Variants in TTLL11 observed in about 807,000 individuals in gnomAD.
TTLL11 encodes tubulin tyrosine ligase like 11.
TTLL11 carries 42 observed loss-of-function variants against 51.7 expected under a neutral mutation model. That is an observed-to-expected ratio of 0.81 (90% CI 0.64 to 1.05). The LOEUF (loss-of-function observed/expected upper bound fraction) is 1.05. Among genes scored for constraint, TTLL11 ranks in the 50% least tolerant of loss-of-function variants. TTLL11 has a pLI of 0.00. For missense variants in TTLL11, 799 were observed against 940.4 expected (o/e 0.85, Z 1.97); for synonymous variants, 381 against 383.5 (o/e 0.99, Z 0.08).
At chr9:122,032,652 A>G (rs1844587290) in intron 2 of TTLL11, among the ~76,000 whole-genome samples, 3 of 150,676 alleles carry the variant, frequency 2.0e-5, no homozygotes, top group African/African-American at 7.4e-5. Flanking sequence ...CGTCTCAAAA[A>G]AAAAAAAAAG....
At chr9:122,000,404 G>A (rs996726280) in intron 3 of TTLL11, among the ~76,000 whole-genome samples, 4 of 145,868 alleles carry the variant, frequency 2.7e-5, no homozygotes, top group Non-Finnish European at 6.0e-5. Context: ...CCCAGTAGGC[G>A]GAGCTTGCAG....
In TTLL11 at chr9:121,898,614, T is replaced by C. The variant is rs374083349; in HGVS notation, c.1482-27866A>G. On this transcript the variant is annotated intron_variant, in intron 6 of 8. Transcript: ENST00000321582. Reference sequence around the variant, plus strand: ...ACAGAGCAACCCAAGGTCAAGTGCTTGATGGCCGTGTGTCCACCGATGGGC... The same window carrying C: ...ACAGAGCAACCCAAGGTCAAGTGCTCGATGGCCGTGTGTCCACCGATGGGC... 4.4e-4 allele frequency among the ~76,000 whole-genome samples: 67 copies of C among 152,322 alleles called. No homozygotes were observed. The South Asian group carries it at 5.0e-3, about 11-fold the overall frequency.
chr9:121,963,864 T>A (rs1395159848), intron 6 of TTLL11: 1 of 152,242 alleles, frequency 6.6e-6, no homozygotes, highest in Non-Finnish European at 1.5e-5. Context: ...CTTGAAAATG[T>A]ATGCACATTT....
intron 2 of TTLL11, among the ~76,000 whole-genome samples, chr9:122,038,316 T>A (rs1365497152): frequency 6.6e-6 from 1 of 152,130 alleles, no homozygotes; most frequent in Non-Finnish European, 1.5e-5. Flanking sequence ...TAAGCTGTCC[T>A]ACCATCTTAA....
intron 7 of TTLL11, among the ~76,000 whole-genome samples, chr9:121,862,465 C>A (rs1269956837): frequency 1.4e-4 from 21 of 152,204 alleles, no homozygotes; most frequent in African/African-American, 4.3e-4. Context: ...ACTCTCTCCC[C>A]CTTTTCCCTT....
At chr9:122,043,609 A>G (rs1291900843) in intron 1 of TTLL11, among the ~76,000 whole-genome samples, 1 of 152,200 alleles carries the variant, frequency 6.6e-6, no homozygotes, top group Non-Finnish European at 1.5e-5. Flanking sequence ...CACTAGAAAT[A>G]TAGAAAACAT....
At chr9:122,007,614 A>C (rs1843694194) in intron 3 of TTLL11, among the ~76,000 whole-genome samples, 1 of 152,248 alleles carries the variant, frequency 6.6e-6, no homozygotes, top group Non-Finnish European at 1.5e-5. Context: ...AGAATCCATG[A>C]GTGCACACTA....
chr9:121,835,924 A>C (rs752963367), intron 8 of TTLL11, among the ~76,000 whole-genome samples: 5 of 152,228 alleles, frequency 3.3e-5, no homozygotes, highest in Admixed American at 6.5e-5. Flanking sequence ...CTCATTCCTC[A>C]GCAAGTGGTC....
At chr9:121,865,051 G>A (rs954609022) in intron 7 of TTLL11, among the ~76,000 whole-genome samples, 5 of 152,108 alleles carry the variant, frequency 3.3e-5, no homozygotes, top group Non-Finnish European at 7.4e-5. Flanking sequence ...AAGGGGGCAA[G>A]AAGACAACTC....
chr9:121,852,853 G>A (rs897677873), intron 8 of TTLL11, among the ~76,000 whole-genome samples: 2 of 152,204 alleles, frequency 1.3e-5, no homozygotes, highest in African/African-American at 4.8e-5. Flanking sequence ...ATCTGACTGC[G>A]AGATAATTTC....
chr9:121,982,968 A>G (rs1204668629), intron 4 of TTLL11, among the ~76,000 whole-genome samples: 1 of 152,172 alleles, frequency 6.6e-6, no homozygotes, highest in African/African-American at 2.4e-5. Context: ...AAGTAACTGG[A>G]TCCACCTTGT....
chr9:121,882,342 C>T (rs751871012), intron 6 of TTLL11, among the ~76,000 whole-genome samples: 2 of 152,176 alleles, frequency 1.3e-5, no homozygotes, highest in Non-Finnish European at 2.9e-5. Context: ...GCATGGTCCC[C>T]TCCTGGCCGC....
chr9:122,064,710 G>A (rs10985515), intron 1 of TTLL11, among the ~76,000 whole-genome samples: 2 of 152,124 alleles, frequency 1.3e-5, no homozygotes, highest in Non-Finnish European at 2.9e-5. Context: ...AAATAATTAC[G>A]AGTGACCCAG....
At chr9:121,940,788 TG>T (rs1841428658) in intron 6 of TTLL11, among the ~76,000 whole-genome samples, 1 of 152,244 alleles carries the variant, frequency 6.6e-6, no homozygotes, top group African/African-American at 2.4e-5. Flanking sequence ...GGACATTTGC[TG>T]ATCTCCTCTT....
At chr9:122,020,177 A>G (rs1368495077) in intron 3 of TTLL11, among the ~76,000 whole-genome samples, 6 of 152,244 alleles carry the variant, frequency 3.9e-5, no homozygotes, top group Admixed American at 2.6e-4. Flanking sequence ...CCAAAATGCC[A>G]TACTATTTCA....
intron 1 of TTLL11, among the ~76,000 whole-genome samples, chr9:122,043,407 C>T (rs137990735): frequency 1.2e-3 from 188 of 152,246 alleles, no homozygotes; most frequent in African/African-American, 4.3e-3. Flanking sequence ...GTCTTTTCAA[C>T]AAGTGGTGCT....
At chr9:121,857,032 G>A (rs1837844421) in intron 8 of TTLL11, among the ~76,000 whole-genome samples, 1 of 152,200 alleles carries the variant, frequency 6.6e-6, no homozygotes, top group South Asian at 2.1e-4. Context: ...CAAGAACTGG[G>A]CCCTGGCTGG....
At chr9:121,952,956 C>T (rs905088780) in intron 6 of TTLL11, among the ~76,000 whole-genome samples, 1 of 152,098 alleles carries the variant, frequency 6.6e-6, no homozygotes, top group African/African-American at 2.4e-5. Flanking sequence ...TAATTCAGAA[C>T]CCAAGTGGAA....
At chr9:122,089,730 A>C (rs1023989983) in intron 1 of TTLL11, among the ~76,000 whole-genome samples, 2 of 152,218 alleles carry the variant, frequency 1.3e-5, no homozygotes, top group Non-Finnish European at 2.9e-5. Context: ...GAAGGGTGAC[A>C]GTAATAATCA....
Sources: allele counts gnomAD v4.1 joint callset (sites outside exome capture counted in the v4.1 genomes callset), GRCh38; gene constraint gnomAD v4.1.1; transcripts MANE v1.5; gene names NCBI Gene and HGNC (gene_info 2026-07-23, HGNC 2026-07-21).